Variants in ADCY5 observed in about 807,000 individuals in gnomAD.
ADCY5 encodes the protein adenylate cyclase 5, also known as adenylate cyclase type 5.
Under a neutral mutation model 119.7 loss-of-function variants are expected in ADCY5, and 30 were observed. That is an observed-to-expected ratio of 0.25 (90% CI 0.19 to 0.34). The LOEUF (loss-of-function observed/expected upper bound fraction) is 0.34. Ranked by LOEUF, ADCY5 falls within the 10% of genes least tolerant of loss-of-function variation. The pLI, the probability that ADCY5 is intolerant of heterozygous loss-of-function variation, is 1.00. For missense variants in ADCY5, 1,324 were observed against 1,775.2 expected (o/e 0.75, Z 4.57); for synonymous variants, 753 against 762.2 (o/e 0.99, Z 0.20).
chr3:123,379,636 A>T (rs912277187), intron 1 of ADCY5, among the ~76,000 whole-genome samples: 10 of 151,276 alleles, frequency 6.6e-5, no homozygotes, highest in Non-Finnish European at 1.3e-4. Flanking sequence ...GAGGCAGATG[A>T]TGGAGGCTGT....
intron 3 of ADCY5, among the ~76,000 whole-genome samples, chr3:123,336,673 C>T (rs1047759802): frequency 6.6e-6 from 1 of 152,174 alleles, no homozygotes; most frequent in African/African-American, 2.4e-5. Flanking sequence ...CATGTGGTCC[C>T]AGGGGCTCCC....
At chr3:123,299,993 G>T in intron 15 of ADCY5, 127 bp downstream of exon 15, 3 of 1,053,810 alleles carry the variant, frequency 2.8e-6, no homozygotes, top group Non-Finnish European at 4.1e-6. Context: ...CAGATGTCAG[G>T]GCTGGGGAGG....
In ADCY5 at chr3:123,448,348, C is replaced by G. The variant is rs1945868597; in HGVS notation, c.198G>C (p.Gln66His). Residue 66 changes from glutamine (Q) to histidine (H), a missense_variant, in exon 1 of 21, where the codon CAG becomes CAC. This residue lies in a region of ADCY5 where 585 missense variants were observed against 569.9 expected (regional missense o/e 1.03). Coordinates refer to ENST00000462833, the MANE Select transcript of ADCY5 (RefSeq NM_183357.3). ...KPGGAVTPQQ[Q>H]QRLASRWRSD... is the part of the protein sequence containing the mutation. Reference sequence around the variant, plus strand: ...TGCGCCAGCGGCTGGCCAGGCGCTGCTGCTGCTGCGGGGTCACCGCCCCCC... The same window carrying G: ...TGCGCCAGCGGCTGGCCAGGCGCTGGTGCTGCTGCGGGGTCACCGCCCCCC... The G allele has an allele frequency of 1.3e-6, 2 of 1,523,258 alleles. No individual in the cohort carries two copies. Among genetic ancestry groups the G allele is most frequent in the Non-Finnish European group, 1.7e-6 (2 of 1,146,056 alleles). 94.4% of individuals were successfully genotyped at this position (1,523,258 alleles called of 1,614,324 possible).
Position 123,300,131 on chromosome 3 carries a change from G to A in ADCY5, c.2889C>T (p.Thr963=), listed in dbSNP as rs1018913781. 30 of 1,613,714 alleles carry A rather than the reference G, an allele frequency of 1.9e-5. No homozygotes were observed. The highest frequency in any genetic ancestry group is 3.3e-5 in the Admixed American group (2 of 60,000). ...GAGGTGCCCCATACATGGCGTTGGC[G>A]GTGACCAGCAGGTCGGCGTTGTCGA... is the stretch of plus-strand genomic sequence containing the variant. ...TLFDNADLLV[T]ANAIDFFNNG... is the part of the protein sequence containing the mutation. Residue 963 remains threonine, a synonymous_variant, in exon 15 of 21, where the codon ACC becomes ACT. Transcript: ENST00000462833.
chr3:123,394,972 C>T (rs973548360), intron 1 of ADCY5, among the ~76,000 whole-genome samples: 3 of 152,194 alleles, frequency 2.0e-5, no homozygotes, highest in African/African-American at 4.8e-5. Flanking sequence ...CACAGAATGG[C>T]CCATTCCTCA....
rs1034425461 is a variant in ADCY5 at position 123,334,535 on chromosome 3, C to T, written c.1407-1860G>A. On this transcript the variant is annotated intron_variant, in intron 3 of 20. Coordinates refer to ENST00000462833, the MANE Select transcript of ADCY5 (RefSeq NM_183357.3). ...GGCGGACCACTTGAGGTCAGGTGTTCGAGCCCAGCCTGGCCAACATGGCAA... is the reference window on the plus strand; with the variant it reads ...GGCGGACCACTTGAGGTCAGGTGTTTGAGCCCAGCCTGGCCAACATGGCAA... Among the ~76,000 whole-genome samples the T allele has an allele frequency of 6.6e-5, 10 of 152,224 alleles. 1 individual carries two copies. Among genetic ancestry groups the T allele is most frequent in the Middle Eastern group, 3.4e-3 (1 of 294 alleles).
At chr3:123,338,537 C>T (rs1011637053) in intron 3 of ADCY5, among the ~76,000 whole-genome samples, 4 of 152,220 alleles carry the variant, frequency 2.6e-5, no homozygotes, top group South Asian at 2.1e-4. Context: ...CCCAACTCAG[C>T]GCTGGCCCAG....
intron 20 of ADCY5, among the ~76,000 whole-genome samples, chr3:123,285,201 G>C (rs562708040): frequency 1.6e-4 from 25 of 152,168 alleles, no homozygotes; most frequent in Non-Finnish European, 3.5e-4. Flanking sequence ...ACCACAGGTC[G>C]TTTGAGAGCC....
intron 11 of ADCY5, among the ~76,000 whole-genome samples, chr3:123,315,580 G>C (rs928170025): frequency 6.6e-6 from 1 of 152,066 alleles, no homozygotes; most frequent in Admixed American, 6.5e-5. Flanking sequence ...AAACCAGATT[G>C]CTCTTTTTTT....
intron 7 of ADCY5, among the ~76,000 whole-genome samples, chr3:123,326,256 A>C (rs1446159840): frequency 1.3e-5 from 2 of 152,236 alleles, no homozygotes; most frequent in East Asian, 3.8e-4. Flanking sequence ...ACAGAGTCTC[A>C]GTCAGCTATC....
chr3:123,431,671 A>C (rs1290207492), intron 1 of ADCY5, among the ~76,000 whole-genome samples: 2 of 152,188 alleles, frequency 1.3e-5, no homozygotes, highest in Non-Finnish European at 2.9e-5. Flanking sequence ...ATTTGGGGTT[A>C]ATTGCTGGTG....
chr3:123,353,527 G>C (rs1467704659), intron 1 of ADCY5, among the ~76,000 whole-genome samples: 1 of 152,134 alleles, frequency 6.6e-6, no homozygotes, highest in Non-Finnish European at 1.5e-5. Context: ...GGCTGTGGGG[G>C]CTTTGAGCTG....
intron 3 of ADCY5, among the ~76,000 whole-genome samples, chr3:123,344,392 C>T (rs538679773): frequency 6.6e-6 from 1 of 152,262 alleles, no homozygotes; most frequent in East Asian, 1.9e-4. Context: ...ATAACAGTAA[C>T]AATAATAATG....
chr3:123,363,233 C>T (rs1486470851), intron 1 of ADCY5, among the ~76,000 whole-genome samples: 3 of 146,126 alleles, frequency 2.1e-5, no homozygotes, highest in African/African-American at 5.0e-5. Flanking sequence ...ATACAAATGA[C>T]TTATAAATGT....
intron 12 of ADCY5, among the ~76,000 whole-genome samples, chr3:123,312,752 T>C (rs1313334436): frequency 1.3e-5 from 2 of 152,254 alleles, no homozygotes; most frequent in South Asian, 2.1e-4. Flanking sequence ...TATGATGGAA[T>C]AACATTCCAC....
rs1192512974 is a variant in ADCY5 at position 123,368,011 on chromosome 3, G to A, written c.1135-15430C>T. ...CCTGTGGGGATGGAGGGGACCATGG[G>A]CACCTCAGCAGGGATCCAGGGGCCC... On this transcript the variant is annotated intron_variant, in intron 1 of 20. Transcript: ENST00000462833. 3 of 1,502,732 alleles carry A rather than the reference G, an allele frequency of 2.0e-6. No homozygotes were observed. The Admixed American group carries it at 7.1e-5, about 36-fold the overall frequency. 93.1% of individuals were successfully genotyped at this position (1,502,732 alleles called of 1,614,324 possible).
intron 3 of ADCY5, among the ~76,000 whole-genome samples, chr3:123,341,952 C>A (rs1269673906): frequency 6.6e-6 from 1 of 152,124 alleles, no homozygotes; most frequent in African/African-American, 2.4e-5. Context: ...GAGACAGGGT[C>A]TCGCTCTGTT....
chr3:123,381,279 T>C (rs562417344), intron 1 of ADCY5, among the ~76,000 whole-genome samples: 9 of 152,242 alleles, frequency 5.9e-5, no homozygotes, highest in Non-Finnish European at 2.9e-5. Context: ...GGGCAGGAGC[T>C]TGGCATCTGC....
intron 1 of ADCY5, among the ~76,000 whole-genome samples, chr3:123,396,767 AAGGAAGGAAGGAAGGCAGGC>A (rs1256539923): frequency 1.8e-4 from 15 of 83,728 alleles, no homozygotes; most frequent in Admixed American, 2.3e-4. Context: ...GGAAGGAAGG[AAGGAAGGAAGGAAGGCAGGC>A]AGGCAGGCAG....
Sources: gnomAD v4.1 joint callset for allele counts (sites outside exome capture counted in the v4.1 genomes callset) on GRCh38, gnomAD v4.1.1 for gene constraint, gnomAD v4.1.1 regional missense constraint, MANE v1.5 for transcripts, NCBI Gene and HGNC (gene_info 2026-07-23, HGNC 2026-07-21) for gene names.